The following SHOX variants were observed in gnomAD, a reference collection of about 807,000 sequenced individuals.
The protein encoded by SHOX is SHOX homeobox.
Under a neutral mutation model 29.6 loss-of-function variants are expected in SHOX, and 12 were observed. The observed-to-expected ratio is 0.41, with a 90% CI of 0.26 to 0.66. SHOX has a LOEUF of 0.66. Ranked by LOEUF, SHOX falls within the 30% of genes least tolerant of loss-of-function variation. The pLI is 0.35. For missense variants in SHOX, 499 were observed against 437.7 expected (o/e 1.14, Z -1.25); for synonymous variants, 214 against 200.6 (o/e 1.07, Z -0.57).
chrX:641,549 C>T (rs889331222), intron 4 of SHOX, among the ~76,000 whole-genome samples: 12 of 152,020 alleles, frequency 7.9e-5, no homozygotes, highest in African/African-American at 1.2e-4. Flanking sequence ...CTTAGCCGGG[C>T]GTGGTGGTGC....
Position 645,466 on chromosome X carries a change from C to T in SHOX, c.*830C>T, listed in dbSNP as rs866094522. On this transcript the variant is annotated 3_prime_UTR_variant, in exon 5 of 5. Transcript: ENST00000686671. ...AGACGCAAAAGACTTGCATAAGAGA[C>T]GGACGCGTGGTTGCAAGGTGTCATA... is the stretch of plus-strand genomic sequence containing the variant. 1.6e-5 allele frequency: 2 copies of T among 125,516 alleles called. No individual in the cohort carries two copies. The highest frequency in any genetic ancestry group is 6.0e-5 in the African/African-American group (2 of 33,428). 7.8% of individuals were successfully genotyped at this position (125,516 alleles called of 1,614,324 possible).
chrX:642,852 C>A (rs2124187870), intron 4 of SHOX, among the ~76,000 whole-genome samples: 1 of 150,922 alleles, frequency 6.6e-6, no homozygotes, highest in African/African-American at 2.4e-5. Context: ...ACCTGGTGTC[C>A]TGGGAGAGGC....
exon 6 of SHOX, chrX:659,083 A>ATTT (rs532613188): frequency 4.1e-5 from 6 of 144,894 alleles, no homozygotes; most frequent in Non-Finnish European, 6.0e-5. Flanking sequence ...TTTATTTTTA[A>ATTT]TTTTTTTTTT....
intron 2 of SHOX, among the ~76,000 whole-genome samples, chrX:638,745 G>A (rs1344578997): frequency 6.6e-6 from 1 of 152,206 alleles, no homozygotes; most frequent in Non-Finnish European, 1.5e-5. Flanking sequence ...CTTCATAGGG[G>A]CACCGGCCCT....
chrX:641,923 G>C (rs1381329807), intron 4 of SHOX, among the ~76,000 whole-genome samples: 2 of 152,158 alleles, frequency 1.3e-5, no homozygotes, highest in African/African-American at 4.8e-5. Context: ...GAGGGCCTGG[G>C]GCGTCTGCCT....
At chrX:654,654 G>T (rs1314643018), downstream of SHOX, among the ~76,000 whole-genome samples, 1 of 152,102 alleles carries the variant, frequency 6.6e-6, no homozygotes. Flanking sequence ...TACGGTTGAA[G>T]CTATTCAGCA....
rs1202702165 is a variant in SHOX at position 649,033 on chromosome X, CTTTT to C, written c.*4399_*4402del. ...TTTCTTTCTTTCTTTTTCTTTCTTT[CTTTT>C]TCTTTCTTCTTTCTTTCTTCGATGA... On this transcript the variant is annotated 3_prime_UTR_variant, in exon 5 of 5. Coordinates refer to ENST00000686671, the MANE Select transcript of SHOX (RefSeq NM_000451.4). 2.9e-4 allele frequency among the ~76,000 whole-genome samples: 19 copies of C among 65,296 alleles called. 1 individual carries two copies. The highest frequency in any genetic ancestry group is 8.6e-4 in the African/African-American group (18 of 20,940). The allele number at this position is 65,296 out of a possible 152,430, so 42.8% of individuals were successfully genotyped here.
chrX:632,910 C>A (rs2052676192), intron 1 of SHOX, among the ~76,000 whole-genome samples: 1 of 152,130 alleles, frequency 6.6e-6, no homozygotes. Flanking sequence ...TTTTGGTTGT[C>A]CTTCGCAGAC....
At position 649,142 on chromosome X, in the gene SHOX, A is replaced by G. The variant is rs2053014423; in HGVS notation, c.*4506A>G. Among the ~76,000 whole-genome samples the G allele has an allele frequency of 1.3e-5, 2 of 151,704 alleles. No homozygotes were observed. The highest frequency in any genetic ancestry group is 1.3e-4 in the Admixed American group (2 of 15,212). On this transcript the variant is annotated 3_prime_UTR_variant, in exon 5 of 5. Transcript: ENST00000686671. ...ATCCTCTACCTCCTGGCTTCAAGAA[A>G]TTCTCCTGCCTCAGCCTCCCAAGTA...
In SHOX at chrX:645,754, G is replaced by C. The variant is rs766609985; in HGVS notation, c.*1118G>C. 3 of 152,320 alleles carry C rather than the reference G, an allele frequency of 2.0e-5. No homozygotes were observed. In the East Asian group the frequency reaches 5.8e-4, roughly 29 times the overall value. 9.4% of individuals were successfully genotyped at this position (152,320 alleles called of 1,614,324 possible). A position where few individuals can be genotyped will look rare whatever the true frequency, so the allele number is the denominator to read the frequency against. ...AGGGCACGGTGGTGCCAAGATATCA[G>C]TTTGGTACCTGAGCTGTTTCTGGTT... On this transcript the variant is annotated 3_prime_UTR_variant, in exon 5 of 5. Transcript: ENST00000686671.
rs778807575 is a variant in SHOX at position 642,491 on chromosome X, C to A, written c.633+1404C>A. ...AAACAACTCAGAAATGGACCCCGAG[C>A]GCTGGTCGCCGCTAGCTCTCCAGCT... On this transcript the variant is annotated intron_variant, in intron 4 of 4. Coordinates refer to ENST00000686671, the MANE Select transcript of SHOX (RefSeq NM_000451.4). Among the ~76,000 whole-genome samples, 65 of 152,286 alleles carry A rather than the reference C, an allele frequency of 4.3e-4. 1 individual carries two copies. The highest frequency in any genetic ancestry group is 1.5e-3 in the African/African-American group (64 of 41,578).
intron 4 of SHOX, among the ~76,000 whole-genome samples, chrX:643,339 T>C (rs1207867583): frequency 7.5e-6 from 1 of 132,720 alleles, no homozygotes; most frequent in Non-Finnish European, 1.6e-5. Context: ...GGACCTGGTG[T>C]CCCGGGAGAG....
downstream of SHOX, among the ~76,000 whole-genome samples, chrX:655,600 CTCTCTCTCTCTCTCTATATATATATATA>C (rs1176053690): frequency 0.021 from 1,118 of 53,732 alleles, 3 homozygotes; most frequent in Admixed American, 0.035. Flanking sequence ...CTCTCTCTCT[CTCTCTCTCTCTCTCTATATATATATATA>C]TATATATATA....
At chrX:629,106 C>T (rs1406755604), upstream of SHOX, among the ~76,000 whole-genome samples, 1 of 131,232 alleles carries the variant, frequency 7.6e-6, no homozygotes, top group African/African-American at 3.0e-5. Context: ...TCTGTCTCTC[C>T]CTGTGTTTCT....
In SHOX at chrX:649,580, C is replaced by T. The variant is rs755240009; in HGVS notation, c.*4944C>T. ...GGTTCTTTTGAAAGTCACGTTCCTG[C>T]TTTCCCTGTGGCTTCCCGGTGAGCT... On this transcript the variant is annotated 3_prime_UTR_variant, in exon 5 of 5. Coordinates refer to ENST00000686671, the MANE Select transcript of SHOX (RefSeq NM_000451.4). Among the ~76,000 whole-genome samples, 139 of 152,306 alleles carry T rather than the reference C, an allele frequency of 9.1e-4. No individual in the cohort carries two copies. The highest frequency in any genetic ancestry group is 3.2e-3 in the African/African-American group (131 of 41,572).
At chrX:634,893 G>A in intron 2 of SHOX, 67 bp downstream of exon 2, 1 of 1,490,790 alleles carries the variant, frequency 6.7e-7, no homozygotes, top group South Asian at 1.2e-5. Context: ...CGCACAGCAC[G>A]CGTACAGCCA....
At chrX:635,761 G>C (rs1181795848) in intron 2 of SHOX, among the ~76,000 whole-genome samples, 2 of 152,144 alleles carry the variant, frequency 1.3e-5, no homozygotes, top group South Asian at 2.1e-4. Context: ...CCTCCAAATG[G>C]CTTCTTCCAG....
At chrX:625,515 CT>C (rs1413449948) in intron 1 of SHOX, among the ~76,000 whole-genome samples, 1 of 151,794 alleles carries the variant, frequency 6.6e-6, no homozygotes, top group African/African-American at 2.4e-5. Context: ...CTATTTTTCT[CT>C]GTCTATCTCT....
At chrX:631,750 T>C in intron 1 of SHOX, 1 of 379,676 alleles carries the variant, frequency 2.6e-6, no homozygotes. Context: ...CAGGCTGGTC[T>C]CGAACTCCTG....
Sources: allele counts gnomAD v4.1 joint callset (sites outside exome capture counted in the v4.1 genomes callset), GRCh38; gene constraint gnomAD v4.1.1; transcripts MANE v1.5; gene names NCBI Gene and HGNC (gene_info 2026-07-23, HGNC 2026-07-21).